The following DGKH variants were observed in gnomAD, a reference collection of about 807,000 sequenced individuals.
The protein encoded by DGKH is DAG kinase eta.
DGKH carries 90 observed loss-of-function variants against 159.3 expected under a neutral mutation model. That is an observed-to-expected ratio of 0.57 (90% confidence interval 0.48 to 0.67). The LOEUF is 0.67. DGKH is among the 30% of genes least tolerant of loss of function. DGKH has a pLI of 0.00. For missense variants in DGKH, 1,181 were observed against 1,506.1 expected (o/e 0.78, Z 3.57); for synonymous variants, 536 against 553.8 (o/e 0.97, Z 0.45).
At chr13:42,125,393 C>G (rs1236308987) in intron 1 of DGKH, among the ~76,000 whole-genome samples, 2 of 152,162 alleles carry the variant, frequency 1.3e-5, no homozygotes, top group Non-Finnish European at 2.9e-5. Context: ...AAGTGCTCTA[C>G]AGGCATTATC....
intron 1 of DGKH, among the ~76,000 whole-genome samples, chr13:42,062,346 C>G (rs1882241316): frequency 6.6e-6 from 1 of 152,106 alleles, no homozygotes; most frequent in Non-Finnish European, 1.5e-5. Context: ...ATATTCCACA[C>G]TGTGTATTAA....
At chr13:42,098,127 G>C (rs930172356) in intron 1 of DGKH, among the ~76,000 whole-genome samples, 2 of 152,130 alleles carry the variant, frequency 1.3e-5, no homozygotes. Context: ...ACTCATTAAG[G>C]TGTTTTTAAT....
intron 1 of DGKH, among the ~76,000 whole-genome samples, chr13:42,071,296 C>G (rs991625216): frequency 2.0e-5 from 3 of 152,204 alleles, no homozygotes; most frequent in Admixed American, 2.0e-4. Context: ...TCAAAAAGCT[C>G]TACTCATGTT....
chr13:42,155,619 AGCCTTGTTCACT>A, intron 4 of DGKH, 36 bp from the exon 5 acceptor site: 1 of 1,613,532 alleles, frequency 6.2e-7, no homozygotes, highest in Non-Finnish European at 8.5e-7. Flanking sequence ...CAGCATCTGT[AGCCTTGTTCACT>A]GGCTTGGCAA....
intron 7 of DGKH, among the ~76,000 whole-genome samples, chr13:42,161,304 A>C (rs191353212): frequency 6.6e-6 from 1 of 152,342 alleles, no homozygotes; most frequent in Admixed American, 6.5e-5. Context: ...ACATTTACTA[A>C]AGTCGATTTC....
At chr13:42,074,766 C>T (rs7326347) in intron 1 of DGKH, among the ~76,000 whole-genome samples, 9,413 of 152,086 alleles carry the variant, frequency 0.062, 450 homozygotes, top group African/African-American at 0.13. Flanking sequence ...TGAAACACGT[C>T]TACATTTTAG....
chr13:42,156,719 A>C (rs1377762404), intron 5 of DGKH, among the ~76,000 whole-genome samples: 2 of 152,220 alleles, frequency 1.3e-5, no homozygotes, highest in African/African-American at 2.4e-5. Flanking sequence ...GTAATTTGGA[A>C]TATCACTTAT....
intron 1 of DGKH, among the ~76,000 whole-genome samples, chr13:42,042,760 A>G (rs1880588481): frequency 6.6e-6 from 1 of 152,224 alleles, no homozygotes; most frequent in Non-Finnish European, 1.5e-5. Context: ...CAAAAAATAC[A>G]TTCAGAGATC....
intron 1 of DGKH, among the ~76,000 whole-genome samples, chr13:42,064,917 A>G (rs1255762566): frequency 6.6e-6 from 1 of 152,190 alleles, no homozygotes; most frequent in Admixed American, 6.5e-5. Context: ...CCTGAAATGC[A>G]TTGAAGAACA....
At chr13:42,192,363 A>G (rs926357536) in intron 16 of DGKH, among the ~76,000 whole-genome samples, 1 of 152,094 alleles carries the variant, frequency 6.6e-6, no homozygotes, top group Non-Finnish European at 1.5e-5. Context: ...TGGGCTTTCT[A>G]TTTTCTCCCC....
At chr13:42,217,150 A>G (rs1371481049) in intron 26 of DGKH, among the ~76,000 whole-genome samples, 2 of 152,266 alleles carry the variant, frequency 1.3e-5, no homozygotes, top group Admixed American at 6.5e-5. Flanking sequence ...GGTTTACTCT[A>G]TATTTTAGTG....
chr13:42,217,314 A>G (rs1957825513), intron 26 of DGKH, among the ~76,000 whole-genome samples: 1 of 152,144 alleles, frequency 6.6e-6, no homozygotes, highest in Non-Finnish European at 1.5e-5. Context: ...ATCTCTGCTC[A>G]CTGCAACCTC....
intron 26 of DGKH, among the ~76,000 whole-genome samples, chr13:42,217,583 T>C (rs895558751): frequency 6.7e-6 from 1 of 150,058 alleles, no homozygotes; most frequent in Non-Finnish European, 1.5e-5. Context: ...AAGTGGTAGA[T>C]ACTGTGAATA....
intron 1 of DGKH, among the ~76,000 whole-genome samples, chr13:42,090,599 T>A (rs925828490): frequency 6.6e-6 from 1 of 152,158 alleles, no homozygotes; most frequent in Admixed American, 6.5e-5. Flanking sequence ...CATACACATA[T>A]GGTCTAATGA....
chr13:42,041,320 G>A (rs960014188), intron 1 of DGKH, among the ~76,000 whole-genome samples: 5 of 152,148 alleles, frequency 3.3e-5, no homozygotes, highest in Admixed American at 1.3e-4. Context: ...CCGCGCCCTG[G>A]TCGTCACCTG....
At chr13:42,053,610 C>CTA (rs201234599) in intron 1 of DGKH, among the ~76,000 whole-genome samples, 5 of 92,394 alleles carry the variant, frequency 5.4e-5, no homozygotes, top group African/African-American at 1.8e-4. Context: ...ATATATATAA[C>CTA]TATATATGTA....
At chr13:42,244,421 A>G (rs1480751145), downstream of DGKH, among the ~76,000 whole-genome samples, 2 of 152,190 alleles carry the variant, frequency 1.3e-5, no homozygotes, top group Non-Finnish European at 1.5e-5. Flanking sequence ...CCCCTGAGAC[A>G]CTGGCAGCAA....
At chr13:42,128,892 C>T (rs371757824) in intron 2 of DGKH, among the ~76,000 whole-genome samples, 32 of 152,248 alleles carry the variant, frequency 2.1e-4, no homozygotes, top group East Asian at 1.4e-3. Context: ...TTCTAGTTTC[C>T]GCAGTTCTTG....
intron 1 of DGKH, among the ~76,000 whole-genome samples, chr13:42,043,177 T>A (rs1390150466): frequency 6.6e-6 from 1 of 152,162 alleles, no homozygotes; most frequent in Non-Finnish European, 1.5e-5. Flanking sequence ...TACATACATA[T>A]GCTTTATATA....
Sources: gnomAD v4.1 joint callset for allele counts (sites outside exome capture counted in the v4.1 genomes callset) on GRCh38, gnomAD v4.1.1 for gene constraint, MANE v1.5 for transcripts, NCBI Gene and HGNC (gene_info 2026-07-23, HGNC 2026-07-21) for gene names.